Variants in IMMP2L observed in about 807,000 individuals in gnomAD.
IMMP2L encodes inner mitochondrial membrane peptidase subunit 2, also known as mitochondrial inner membrane protease subunit 2.
IMMP2L carries 18 observed loss-of-function variants against 19.3 expected under a neutral mutation model. The observed-to-expected ratio is 0.93, with a 90% CI of 0.64 to 1.38. IMMP2L has a LOEUF of 1.38. Ranked by LOEUF, IMMP2L falls within the 40% of genes most tolerant of loss-of-function variation. The pLI is 0.00. For missense variants in IMMP2L, 233 were observed against 218.2 expected (o/e 1.07, Z -0.43); for synonymous variants, 76 against 73.0 (o/e 1.04, Z -0.21).
At chr7:110,736,881 T>C (rs142893358) in intron 5 of IMMP2L, among the ~76,000 whole-genome samples, 48 of 152,258 alleles carry the variant, frequency 3.2e-4, no homozygotes, top group African/African-American at 1.1e-3. Flanking sequence ...GACTTCAAAC[T>C]TCTGAGTTGG....
intron 3 of IMMP2L, among the ~76,000 whole-genome samples, chr7:111,098,459 G>A (rs1426231486): frequency 6.6e-6 from 1 of 151,666 alleles, no homozygotes; most frequent in African/African-American, 2.4e-5. Flanking sequence ...CTGCTGTTGG[G>A]CAAAATAATC....
rs141795330 is a variant in IMMP2L, at chr7:110,850,115, A to T, written c.408+36478T>A. On this transcript the variant is annotated intron_variant, in intron 5 of 5. Transcript: ENST00000405709. ...GAGAAAACTACTAAAGTCAGAAAAT[A>T]TAATGCATAATCAGAAAATAAATAA... 5.3e-3 allele frequency among the ~76,000 whole-genome samples: 804 copies of T among 152,218 alleles called. 5 individuals carry two copies. Among genetic ancestry groups the T allele is most frequent in the African/African-American group, 0.019 (773 of 41,570 alleles).
chr7:111,474,832 A>G (rs1046088208), intron 3 of IMMP2L, among the ~76,000 whole-genome samples: 2 of 152,088 alleles, frequency 1.3e-5, no homozygotes, highest in South Asian at 2.1e-4. Context: ...ATCATCTAGT[A>G]GAATAATGAA....
intron 3 of IMMP2L, among the ~76,000 whole-genome samples, chr7:111,397,163 T>A (rs1362727689): frequency 6.6e-6 from 1 of 152,136 alleles, no homozygotes; most frequent in Non-Finnish European, 1.5e-5. Flanking sequence ...ATATTTACAT[T>A]CTCTGTAGTC....
chr7:111,020,857 T>C (rs1826206112), intron 3 of IMMP2L, among the ~76,000 whole-genome samples: 1 of 152,230 alleles, frequency 6.6e-6, no homozygotes. Context: ...TCTCCCTTCA[T>C]TTCTGTCAGT....
chr7:110,940,551 T>C (rs1185561912), intron 4 of IMMP2L, among the ~76,000 whole-genome samples: 1 of 152,078 alleles, frequency 6.6e-6, no homozygotes, highest in Non-Finnish European at 1.5e-5. Flanking sequence ...CAAGATAGAC[T>C]AAGGGTTAAG....
At chr7:111,540,465 GA>G (rs1220910939) in intron 1 of IMMP2L, among the ~76,000 whole-genome samples, 1 of 152,164 alleles carries the variant, frequency 6.6e-6, no homozygotes, top group Non-Finnish European at 1.5e-5. Context: ...CTTTACAGCT[GA>G]ACACATAAAA....
chr7:111,408,714 T>A (rs960203902), intron 3 of IMMP2L, among the ~76,000 whole-genome samples: 1 of 151,768 alleles, frequency 6.6e-6, no homozygotes, highest in African/African-American at 2.4e-5. Context: ...CACTCTCAAA[T>A]TTACAGATAC....
At chr7:110,730,032 G>A (rs1796153057) in intron 5 of IMMP2L, among the ~76,000 whole-genome samples, 1 of 151,918 alleles carries the variant, frequency 6.6e-6, no homozygotes, top group Admixed American at 6.6e-5. Context: ...AAAGAGGTTG[G>A]CTTTTAATTT....
intron 3 of IMMP2L, among the ~76,000 whole-genome samples, chr7:111,026,842 T>C (rs1423987396): frequency 5.9e-5 from 9 of 152,156 alleles, no homozygotes; most frequent in Admixed American, 2.0e-4. Context: ...TATACAGTTG[T>C]AGTGTAATGT....
intron 3 of IMMP2L, among the ~76,000 whole-genome samples, chr7:111,020,076 A>T (rs1249811609): frequency 6.7e-6 from 1 of 149,018 alleles, no homozygotes; most frequent in Non-Finnish European, 1.5e-5. Flanking sequence ...GACACTAGGG[A>T]TACAACAATT....
At chr7:110,844,965 TTCC>T (rs1404144248) in intron 5 of IMMP2L, among the ~76,000 whole-genome samples, 1 of 152,108 alleles carries the variant, frequency 6.6e-6, no homozygotes, top group African/African-American at 2.4e-5. Flanking sequence ...AGTTTCCTAC[TTCC>T]TCATTTTATC....
chr7:111,044,674 T>G (rs1792217175), intron 3 of IMMP2L, among the ~76,000 whole-genome samples: 1 of 152,206 alleles, frequency 6.6e-6, no homozygotes, highest in African/African-American at 2.4e-5. Flanking sequence ...CTATTCAAAA[T>G]TGGTTGATGA....
intron 5 of IMMP2L, among the ~76,000 whole-genome samples, chr7:110,667,167 G>A (rs1293369178): frequency 1.3e-5 from 2 of 152,278 alleles, no homozygotes; most frequent in East Asian, 3.9e-4. Context: ...ACTGCGCCCG[G>A]CCTGGAATAA....
chr7:110,817,001 C>G lies in IMMP2L; in HGVS notation c.408+69592G>C, dbSNP rs1562995481. ...AATATTGTTATGTGTGACTTTGGTC[C>G]TGTCATTATGATGTTAGCTGGTTAT... On this transcript the variant is annotated intron_variant, in intron 5 of 5. Transcript: ENST00000405709. 2.0e-5 allele frequency among the ~76,000 whole-genome samples: 3 copies of G among 152,108 alleles called. No homozygotes were observed. The South Asian group carries it at 6.2e-4, about 31-fold the overall frequency.
intron 5 of IMMP2L, among the ~76,000 whole-genome samples, chr7:110,679,487 G>C (rs1358609374): frequency 1.3e-5 from 2 of 152,056 alleles, no homozygotes; most frequent in African/African-American, 4.8e-5. Flanking sequence ...ATATACATGA[G>C]TGGAGAGGTG....
At chr7:110,692,417 T>G (rs1359092013) in intron 5 of IMMP2L, among the ~76,000 whole-genome samples, 2 of 144,446 alleles carry the variant, frequency 1.4e-5, no homozygotes. Context: ...CGGGTGACAG[T>G]ACACTAAAAT....
intron 5 of IMMP2L, among the ~76,000 whole-genome samples, chr7:110,717,033 A>G (rs1176220598): frequency 6.6e-6 from 1 of 152,218 alleles, no homozygotes; most frequent in Non-Finnish European, 1.5e-5. Context: ...AATATGAGGA[A>G]TAAGATAATT....
intron 3 of IMMP2L, among the ~76,000 whole-genome samples, chr7:111,436,115 C>A (rs568081548): frequency 5.9e-5 from 9 of 151,840 alleles, no homozygotes; most frequent in African/African-American, 2.2e-4. Flanking sequence ...AAAGAGACAA[C>A]AGAGTTTATT....
Sources: gnomAD v4.1 joint callset for allele counts (sites outside exome capture counted in the v4.1 genomes callset) on GRCh38, gnomAD v4.1.1 for gene constraint, MANE v1.5 for transcripts, NCBI Gene and HGNC (gene_info 2026-07-23, HGNC 2026-07-21) for gene names.